The following RPRD2 variants were observed in gnomAD, a reference collection of about 807,000 sequenced individuals.
RPRD2 encodes the protein regulation of nuclear pre-mRNA domain-containing protein 2.
RPRD2 carries 12 observed loss-of-function variants against 104.4 expected under a neutral mutation model. The observed-to-expected ratio is 0.11, with a 90% confidence interval of 0.07 to 0.19. The LOEUF (loss-of-function observed/expected upper bound fraction) is 0.19, where lower values mean the gene tolerates loss of function less well. RPRD2 is among the 10% of genes least tolerant of loss of function. The pLI, the probability that RPRD2 is intolerant of heterozygous loss-of-function variation, is 1.00. For missense variants in RPRD2, 1,543 were observed against 1,790.1 expected, an observed-to-expected ratio of 0.86 and a Z score of 2.49; for synonymous variants, 714 against 684.9, an observed-to-expected ratio of 1.04 and a Z score of -0.66.
intron 1 of RPRD2, among the ~76,000 whole-genome samples, chr1:150,388,399 TACGTGTATATAC>T (rs1661781475): frequency 6.6e-6 from 1 of 150,786 alleles, no homozygotes; most frequent in Non-Finnish European, 1.5e-5. Flanking sequence ...CACATGTATA[TACGTGTATATAC>T]ACATGTATAT....
At chr1:150,391,052 T>G (rs986404701) in intron 1 of RPRD2, among the ~76,000 whole-genome samples, 6 of 152,188 alleles carry the variant, frequency 3.9e-5, no homozygotes, top group African/African-American at 1.2e-4. Flanking sequence ...TCTTACAGTA[T>G]GAAACTATCA....
At chr1:150,395,328 A>G (rs1662417632) in intron 1 of RPRD2, among the ~76,000 whole-genome samples, 2 of 150,148 alleles carry the variant, frequency 1.3e-5, no homozygotes, top group Admixed American at 1.3e-4. Flanking sequence ...TGCTAATGCA[A>G]TTAATTCATT....
At chr1:150,427,794 G>C (rs1380244182) in intron 2 of RPRD2, among the ~76,000 whole-genome samples, 3 of 152,084 alleles carry the variant, frequency 2.0e-5, no homozygotes, top group Non-Finnish European at 2.9e-5. Context: ...GCGAGTCTCT[G>C]TCCCAAATAT....
chr1:150,437,022 A>C (rs1325405250), intron 2 of RPRD2, among the ~76,000 whole-genome samples: 1 of 152,246 alleles, frequency 6.6e-6, no homozygotes. Context: ...CCTGGGCAAC[A>C]TTGCGAGACG....
Position 150,473,377 on chromosome 1 carries a change from T to G in RPRD2, c.*43T>G. On this transcript the variant is annotated 3_prime_UTR_variant, in exon 11 of 11. Transcript: ENST00000369068. ...GCATTTTGAACAGTCTAGAGAACAT[T>G]GGAAGTAGGAGTTTGGTTTATTGTT... 5 of 1,503,496 alleles carry G rather than the reference T, an allele frequency of 3.3e-6. No individual in the cohort carries two copies. Among genetic ancestry groups the G allele is most frequent in the Non-Finnish European group, 4.4e-6 (5 of 1,123,674 alleles). 93.1% of individuals were successfully genotyped at this position (1,503,496 alleles called of 1,614,324 possible).
chr1:150,438,554 A>G (rs1018145579), intron 2 of RPRD2, among the ~76,000 whole-genome samples: 1 of 149,988 alleles, frequency 6.7e-6, no homozygotes, highest in Non-Finnish European at 1.5e-5. Context: ...GTTTGAACCC[A>G]GGAGGCGGAA....
At chr1:150,440,893 T>C (rs371380127) in intron 2 of RPRD2, 30 bp from the exon 3 acceptor site, 6 of 1,071,786 alleles carry the variant, frequency 5.6e-6, no homozygotes, top group Non-Finnish European at 8.3e-6. Flanking sequence ...AAGGTTTTTA[T>C]AGTCTGTATT....
intron 7 of RPRD2, among the ~76,000 whole-genome samples, chr1:150,454,903 A>G (rs1421139401): frequency 7.7e-6 from 1 of 129,094 alleles, no homozygotes; most frequent in Non-Finnish European, 1.7e-5. Flanking sequence ...AACACAATCT[A>G]ATGGTCATCA....
intron 4 of RPRD2, 103 bp downstream of exon 4, chr1:150,442,061 C>G: frequency 1.2e-6 from 1 of 861,770 alleles, no homozygotes; most frequent in South Asian, 1.7e-5. Flanking sequence ...CATGGGCAAG[C>G]CTGTTTTCCA....
At chr1:150,432,031 A>C (rs868949807) in intron 2 of RPRD2, among the ~76,000 whole-genome samples, 1 of 152,104 alleles carries the variant, frequency 6.6e-6, no homozygotes, top group Non-Finnish European at 1.5e-5. Context: ...TGGTTGCACA[A>C]CAGTGTGAAT....
chr1:150,384,617 C>T (rs986988484), intron 1 of RPRD2, among the ~76,000 whole-genome samples: 6 of 149,844 alleles, frequency 4.0e-5, no homozygotes, highest in Non-Finnish European at 8.9e-5. Flanking sequence ...ATTACAGGCG[C>T]CTGCCACCAC....
rs1661707961 is a variant in RPRD2, at chr1:150,387,861, A to G, written c.205+22942A>G. Among the ~76,000 whole-genome samples the G allele has an allele frequency of 2.1e-5, 3 of 145,964 alleles. No individual in the cohort carries two copies. The Admixed American group carries it at 2.1e-4, about 10-fold the overall frequency. On this transcript the variant is annotated intron_variant, in intron 1 of 10. Transcript: ENST00000369068. The stretch of plus-strand genomic sequence containing the variant: ...TGCCTCGGCCTCCCAAAGTGCTAGG[A>G]TTACAGGCGTGAGCCACTGCTCCTG...
intron 7 of RPRD2, among the ~76,000 whole-genome samples, chr1:150,452,868 C>T (rs1667290044): frequency 6.6e-6 from 1 of 151,808 alleles, no homozygotes; most frequent in African/African-American, 2.4e-5. Flanking sequence ...TGGGGTTTCA[C>T]CATGTTGGCC....
At chr1:150,368,789 G>A (rs113310952) in intron 1 of RPRD2, among the ~76,000 whole-genome samples, 9 of 151,824 alleles carry the variant, frequency 5.9e-5, no homozygotes, top group Non-Finnish European at 1.3e-4. Context: ...TGTATTTTTT[G>A]TAGAGACAGG....
chr1:150,446,492 G>T (rs1286096492), intron 7 of RPRD2, 91 bp downstream of exon 7: 38 of 1,134,724 alleles, frequency 3.3e-5, no homozygotes, highest in Non-Finnish European at 4.5e-5. Context: ...GTTAGGATAT[G>T]CATTTTTATC....
intron 1 of RPRD2, among the ~76,000 whole-genome samples, chr1:150,392,622 C>T (rs1048161497): frequency 7.9e-5 from 12 of 152,274 alleles, no homozygotes; most frequent in Non-Finnish European, 1.3e-4. Flanking sequence ...GCAGGACTAT[C>T]GCGTGAAGCC....
At chr1:150,461,483 TGCATA>T (rs1308344680) in intron 9 of RPRD2, among the ~76,000 whole-genome samples, 2 of 152,244 alleles carry the variant, frequency 1.3e-5, no homozygotes, top group Non-Finnish European at 2.9e-5. Flanking sequence ...TTTTAATAGC[TGCATA>T]GCATGTGGTA....
chr1:150,426,619 CTAAT>C (rs1442255770), intron 2 of RPRD2, among the ~76,000 whole-genome samples: 3 of 151,982 alleles, frequency 2.0e-5, no homozygotes, highest in African/African-American at 4.8e-5. Context: ...AGAGCAGAAA[CTAAT>C]TAAATTTAAA....
At chr1:150,365,405 G>T (rs1175063239) in intron 1 of RPRD2, among the ~76,000 whole-genome samples, 1 of 152,116 alleles carries the variant, frequency 6.6e-6, no homozygotes, top group Non-Finnish European at 1.5e-5. Flanking sequence ...TGTGTAGTAA[G>T]GAGAGCCTTA....
Sources: allele counts gnomAD v4.1 joint callset (sites outside exome capture counted in the v4.1 genomes callset), GRCh38; gene constraint gnomAD v4.1.1; transcripts MANE v1.5; gene names NCBI Gene and HGNC (gene_info 2026-07-23, HGNC 2026-07-21).